The following CDK14 variants were observed in gnomAD, a reference collection of about 807,000 sequenced individuals.
CDK14 encodes the protein cyclin dependent kinase 14.
Under a neutral mutation model 60.7 loss-of-function variants are expected in CDK14, and 34 were observed. The observed-to-expected ratio is 0.56, with a 90% CI of 0.43 to 0.75. The LOEUF is 0.75. Ranked by LOEUF, CDK14 falls within the 30% of genes least tolerant of loss-of-function variation. CDK14 has a pLI of 0.00. For missense variants in CDK14, 482 were observed against 564.1 expected (o/e 0.85, Z 1.47); for synonymous variants, 197 against 203.7 (o/e 0.97, Z 0.28).
At chr7:90,810,788 G>A (rs1789066549) in intron 5 of CDK14, among the ~76,000 whole-genome samples, 1 of 151,838 alleles carries the variant, frequency 6.6e-6, no homozygotes, top group Non-Finnish European at 1.5e-5. Flanking sequence ...CAAAATCAAT[G>A]TACAAAAATC....
chr7:90,958,092 C>T (rs1584168052), intron 9 of CDK14, among the ~76,000 whole-genome samples: 1 of 152,108 alleles, frequency 6.6e-6, no homozygotes, highest in African/African-American at 2.4e-5. Flanking sequence ...TGCTCTACCC[C>T]CCGTAATCTT....
chr7:90,999,096 T>A (rs1055023202), intron 10 of CDK14, among the ~76,000 whole-genome samples: 2 of 151,992 alleles, frequency 1.3e-5, no homozygotes, highest in African/African-American at 4.8e-5. Flanking sequence ...TGGGGGAGTT[T>A]ATCTAGTTCT....
At chr7:90,828,210 C>A (rs527589772) in intron 5 of CDK14, among the ~76,000 whole-genome samples, 249 of 152,266 alleles carry the variant, frequency 1.6e-3, no homozygotes, top group African/African-American at 5.8e-3. Flanking sequence ...TAGTTCTCAT[C>A]TCTGGAAGTG....
intron 8 of CDK14, among the ~76,000 whole-genome samples, chr7:90,920,010 G>C (rs1025243396): frequency 6.6e-6 from 1 of 152,268 alleles, no homozygotes; most frequent in Non-Finnish European, 1.5e-5. Context: ...CCTGTGCACA[G>C]AGTGTAGTGA....
intron 5 of CDK14, among the ~76,000 whole-genome samples, chr7:90,813,116 A>G (rs1789204118): frequency 6.6e-6 from 1 of 152,196 alleles, no homozygotes; most frequent in Non-Finnish European, 1.5e-5. Context: ...CCTCATAAAC[A>G]CTGTGCTAAG....
chr7:91,131,482 G>T lies in CDK14; in HGVS notation c.*28+13274G>T, dbSNP rs562251366. Among the ~76,000 whole-genome samples the T allele has an allele frequency of 1.9e-3, 288 of 152,260 alleles. 1 individual carries two copies. Among genetic ancestry groups the T allele is most frequent in the Admixed American group, 2.4e-3 (37 of 15,280 alleles). ...GGACAGGTTCTCAGTCAAATGGAAA[G>T]AACTCTAAATGGTTACTGAACTGAC... On this transcript the variant is annotated intron_variant, in intron 14 of 14. Transcript: ENST00000380050.
chr7:90,653,339 G>A (rs540463601), intron 2 of CDK14, among the ~76,000 whole-genome samples: 10 of 152,006 alleles, frequency 6.6e-5, no homozygotes, highest in South Asian at 4.2e-4. Flanking sequence ...TCTGTGACCC[G>A]TTTTAATTTT....
intron 5 of CDK14, among the ~76,000 whole-genome samples, chr7:90,802,178 C>T (rs1788664328): frequency 6.6e-6 from 1 of 152,166 alleles, no homozygotes; most frequent in Non-Finnish European, 1.5e-5. Context: ...TCAAAATTAA[C>T]AAGTTGATTA....
In CDK14 at chr7:90,782,137, C is replaced by T. The variant is rs578241705; in HGVS notation, c.465-8436C>T. On this transcript the variant is annotated intron_variant, in intron 4 of 14. Coordinates refer to ENST00000380050, the MANE Select transcript of CDK14 (RefSeq NM_001287135.2). ...CTCCTTGAAGAGGTCCTTCACATCC[C>T]TTGTAAGTTGGATTCCTAGGTATTT... Among the ~76,000 whole-genome samples, 14 of 152,074 alleles carry T rather than the reference C, an allele frequency of 9.2e-5. No homozygotes were observed. The East Asian group carries it at 2.5e-3, about 27-fold the overall frequency.
intron 2 of CDK14, among the ~76,000 whole-genome samples, chr7:90,642,649 GGAT>G (rs1800365989): frequency 6.6e-6 from 1 of 152,046 alleles, no homozygotes; most frequent in Non-Finnish European, 1.5e-5. Context: ...CAAAGTGCTG[GGAT>G]TACAGGCCTG....
intron 2 of CDK14, chr7:90,709,987 A>G: frequency 1.0e-6 from 1 of 1,004,528 alleles, no homozygotes. Context: ...AAATTACAGG[A>G]GGGGTTTTAA....
chr7:90,664,961 A>T (rs1800945278), intron 2 of CDK14, among the ~76,000 whole-genome samples: 1 of 152,008 alleles, frequency 6.6e-6, no homozygotes, highest in Non-Finnish European at 1.5e-5. Flanking sequence ...TTAAAAAGAA[A>T]TCATGTTTTT....
At chr7:90,998,418 T>G (rs1250159386) in intron 10 of CDK14, among the ~76,000 whole-genome samples, 1 of 152,208 alleles carries the variant, frequency 6.6e-6, no homozygotes, top group Non-Finnish European at 1.5e-5. Context: ...ATAGTAAGAT[T>G]GTCCTTTCAG....
chr7:90,761,009 TAG>T (rs571857561), intron 4 of CDK14, among the ~76,000 whole-genome samples: 110 of 152,352 alleles, frequency 7.2e-4, no homozygotes, highest in African/African-American at 2.5e-3. Context: ...ATGCAGACAT[TAG>T]AGTCTGGTTC....
At chr7:91,009,407 C>A (rs904295926) in intron 10 of CDK14, among the ~76,000 whole-genome samples, 4 of 152,146 alleles carry the variant, frequency 2.6e-5, no homozygotes, top group Admixed American at 1.3e-4. Flanking sequence ...AAAGCTCAAT[C>A]AATACGGTGG....
chr7:90,638,326 G>A (rs1800213255), intron 2 of CDK14, among the ~76,000 whole-genome samples: 1 of 152,094 alleles, frequency 6.6e-6, no homozygotes, highest in Non-Finnish European at 1.5e-5. Flanking sequence ...GGTAGGCCTG[G>A]TGGTGACAAA....
At chr7:90,965,400 A>G (rs764608838) in intron 9 of CDK14, among the ~76,000 whole-genome samples, 2 of 152,166 alleles carry the variant, frequency 1.3e-5, no homozygotes, top group Non-Finnish European at 2.9e-5. Context: ...ATGTTAGACC[A>G]TGTTTCTGGA....
chr7:90,647,549 G>C (rs6958448), intron 2 of CDK14, among the ~76,000 whole-genome samples: 23,784 of 151,030 alleles, frequency 0.16, 2,014 homozygotes, highest in African/African-American at 0.22. Flanking sequence ...GCAGTTTTGA[G>C]TGAAGGTGTT....
chr7:90,603,493 G>T (rs1351093243), intron 1 of CDK14, among the ~76,000 whole-genome samples: 1 of 152,124 alleles, frequency 6.6e-6, no homozygotes, highest in Non-Finnish European at 1.5e-5. Flanking sequence ...TAGCCTAGGT[G>T]TGTAGTAGGT....
Sources: gnomAD v4.1 joint callset for allele counts (sites outside exome capture counted in the v4.1 genomes callset) on GRCh38, gnomAD v4.1.1 for gene constraint, MANE v1.5 for transcripts, NCBI Gene and HGNC (gene_info 2026-07-23, HGNC 2026-07-21) for gene names.